The following APBB1IP variants were observed in gnomAD, a reference collection of about 807,000 sequenced individuals.
The protein encoded by APBB1IP is amyloid beta precursor protein binding family B member 1 interacting protein.
A neutral mutation model predicts 64.9 loss-of-function variants in APBB1IP; 27 were observed. The observed-to-expected ratio is 0.42, with a 90% CI of 0.31 to 0.57. APBB1IP has a LOEUF of 0.57. Among genes scored for constraint, APBB1IP ranks in the 20% least tolerant of loss-of-function variants. The pLI, the probability that APBB1IP is intolerant of heterozygous loss-of-function variation, is 0.20. For synonymous variants in APBB1IP, 392 were observed against 331.0 expected (o/e 1.18, Z -2.00); for missense variants, 812 against 845.5 (o/e 0.96, Z 0.49).
At chr10:26,448,440 A>C (rs1835425870) in intron 2 of APBB1IP, among the ~76,000 whole-genome samples, 1 of 152,240 alleles carries the variant, frequency 6.6e-6, no homozygotes. Context: ...GACTAGCCAC[A>C]GTTAAAGTGC....
At chr10:26,524,777 T>C (rs1291484745) in intron 8 of APBB1IP, among the ~76,000 whole-genome samples, 2 of 152,034 alleles carry the variant, frequency 1.3e-5, no homozygotes, top group African/African-American at 4.8e-5. Flanking sequence ...GTCTCTTATG[T>C]GATACTATAA....
intron 2 of APBB1IP, among the ~76,000 whole-genome samples, chr10:26,441,980 C>T (rs946766211): frequency 7.2e-5 from 11 of 152,142 alleles, no homozygotes; most frequent in Non-Finnish European, 1.5e-4. Context: ...AAGAAACTTA[C>T]GCAGGAAGTA....
intron 2 of APBB1IP, among the ~76,000 whole-genome samples, chr10:26,478,133 A>G (rs1564355895): frequency 1.3e-5 from 2 of 152,210 alleles, no homozygotes; most frequent in African/African-American, 4.8e-5. Context: ...GAAACAGTTG[A>G]TTTTGAAATA....
chr10:26,447,979 A>T (rs570446426), intron 2 of APBB1IP, among the ~76,000 whole-genome samples: 1 of 152,102 alleles, frequency 6.6e-6, no homozygotes, highest in Non-Finnish European at 1.5e-5. Flanking sequence ...TGATATATCC[A>T]AAAATGATAA....
At chr10:26,480,246 G>A (rs576894745) in intron 2 of APBB1IP, among the ~76,000 whole-genome samples, 30 of 152,190 alleles carry the variant, frequency 2.0e-4, no homozygotes, top group Non-Finnish European at 3.4e-4. Flanking sequence ...GCTGGTAGTC[G>A]CCTGACCCCA....
At chr10:26,510,717 C>T (rs1006915523) in intron 6 of APBB1IP, among the ~76,000 whole-genome samples, 1 of 148,458 alleles carries the variant, frequency 6.7e-6, no homozygotes, top group African/African-American at 2.5e-5. Flanking sequence ...GCCTAGGCAA[C>T]AGAGCAAGAC....
chr10:26,474,180 C>T (rs1396057452), intron 2 of APBB1IP, among the ~76,000 whole-genome samples: 1 of 152,044 alleles, frequency 6.6e-6, no homozygotes, highest in Admixed American at 6.6e-5. Flanking sequence ...TAGATTGAGC[C>T]TTTCAGAGAG....
rs747655095 is a variant in APBB1IP at position 26,524,955 on chromosome 10, C to CTTTCTTTTTTTTTTTTTTTTT, written c.814-8481_814-8480insCTTTTTTTTTTTTTTTTTTTT. Among the ~76,000 whole-genome samples, 602 of 73,852 alleles carry CTTTCTTTTTTTTTTTTTTTTT rather than the reference C, an allele frequency of 8.2e-3. 48 individuals carry two copies. The highest frequency in any genetic ancestry group is 0.012 in the Non-Finnish European group (462 of 38,406). 48.4% of individuals were successfully genotyped at this position (73,852 alleles called of 152,430 possible). On this transcript the variant is annotated intron_variant, in intron 8 of 14. Coordinates refer to ENST00000376236, the MANE Select transcript of APBB1IP (RefSeq NM_019043.4). ...TCTTTTTCTTTCTCTTTCTTTCTTT[C>CTTTCTTTTTTTTTTTTTTTTT]TTTTTTTTTTTTTTTTTTTATAAAA...
At chr10:26,541,970 A>AAGACTAAAAAAAG (rs1836703018) in intron 11 of APBB1IP, among the ~76,000 whole-genome samples, 1 of 152,224 alleles carries the variant, frequency 6.6e-6, no homozygotes, top group African/African-American at 2.4e-5. Flanking sequence ...TGTTATCGAT[A>AAGACTAAAAAAAG]AGACTAAAAA....
intron 2 of APBB1IP, among the ~76,000 whole-genome samples, chr10:26,439,784 G>A (rs1032734177): frequency 3.9e-5 from 6 of 152,124 alleles, no homozygotes; most frequent in Non-Finnish European, 7.4e-5. Flanking sequence ...TTTTTCTGGT[G>A]GCATAACGTG....
At chr10:26,522,704 TATTA>T (rs1298620646) in intron 8 of APBB1IP, among the ~76,000 whole-genome samples, 1 of 152,070 alleles carries the variant, frequency 6.6e-6, no homozygotes, top group Non-Finnish European at 1.5e-5. Context: ...TAAATGTTGA[TATTA>T]ATTAAATATA....
At chr10:26,470,674 G>A (rs1835705670) in intron 2 of APBB1IP, among the ~76,000 whole-genome samples, 1 of 152,074 alleles carries the variant, frequency 6.6e-6, no homozygotes, top group East Asian at 1.9e-4. Flanking sequence ...ATTCATTTTC[G>A]ACTTAGGGAT....
intron 2 of APBB1IP, among the ~76,000 whole-genome samples, chr10:26,446,087 T>TG (rs35105391): frequency 0.39 from 58,957 of 151,998 alleles, 11,638 homozygotes; most frequent in South Asian, 0.49. Flanking sequence ...ATTAGTTATG[T>TG]GGGGCAGAAG....
At chr10:26,538,713 T>A (rs979580940) in intron 10 of APBB1IP, among the ~76,000 whole-genome samples, 3 of 151,940 alleles carry the variant, frequency 2.0e-5, no homozygotes, top group Admixed American at 6.6e-5. Flanking sequence ...TTATTAATTC[T>A]TCCCAGTTTT....
At chr10:26,498,749 T>A (rs914084017) in intron 4 of APBB1IP, among the ~76,000 whole-genome samples, 2 of 152,244 alleles carry the variant, frequency 1.3e-5, no homozygotes, top group African/African-American at 4.8e-5. Flanking sequence ...ATAGGAGCAA[T>A]GATACCCAGC....
In APBB1IP at chr10:26,567,347, C is replaced by G. The variant is rs1837067343; in HGVS notation, c.1860C>G (p.Pro620=). 7 of 1,452,904 alleles carry G rather than the reference C, an allele frequency of 4.8e-6. No homozygotes were observed. Among genetic ancestry groups the G allele is most frequent in the Non-Finnish European group, 6.4e-6 (7 of 1,088,972 alleles). The allele number at this position is 1,452,904 out of a possible 1,614,324, so 90.0% of individuals were successfully genotyped here. A position where few individuals can be genotyped will look rare whatever the true frequency, so the allele number is the denominator to read the frequency against. Reference sequence around the variant, plus strand: ...CCGTCCCCGACTCCGCCAGGCCGCCCCCCGCGGTGGCCAAGAGGCCTCCTG... The same window carrying G: ...CCGTCCCCGACTCCGCCAGGCCGCCGCCCGCGGTGGCCAAGAGGCCTCCTG... The part of the protein sequence containing the change: ...PAPVPDSARP[P]PAVAKRPPVP... The change falls in exon 15 of 15, where the codon CCC becomes CCG. Residue 620 remains proline, a synonymous_variant. Transcript: ENST00000376236.
At chr10:26,482,497 A>G (rs1835846683) in intron 2 of APBB1IP, among the ~76,000 whole-genome samples, 1 of 152,212 alleles carries the variant, frequency 6.6e-6, no homozygotes, top group Non-Finnish European at 1.5e-5. Context: ...CACACTGTAC[A>G]CAGGTGACTT....
At chr10:26,478,497 T>A (rs1835801066) in intron 2 of APBB1IP, among the ~76,000 whole-genome samples, 1 of 151,622 alleles carries the variant, frequency 6.6e-6, no homozygotes, top group Non-Finnish European at 1.5e-5. Context: ...ATGCCTGTAA[T>A]CCAGCTACTC....
intron 4 of APBB1IP, among the ~76,000 whole-genome samples, chr10:26,499,187 A>C (rs1358621890): frequency 1.3e-5 from 2 of 151,520 alleles, no homozygotes; most frequent in African/African-American, 2.4e-5. Context: ...GATTGCTTGA[A>C]CCCATGAGGT....
Sources: allele counts gnomAD v4.1 joint callset (sites outside exome capture counted in the v4.1 genomes callset), GRCh38; gene constraint gnomAD v4.1.1; transcripts MANE v1.5; gene names NCBI Gene and HGNC (gene_info 2026-07-23, HGNC 2026-07-21).